The following UBR1 variants were observed in gnomAD, a reference collection of about 807,000 sequenced individuals.
UBR1 encodes the protein E3 ubiquitin-protein ligase UBR1.
A neutral mutation model predicts 242.1 loss-of-function variants in UBR1; 102 were observed. The ratio of observed to expected loss-of-function variants is 0.42; its 90% CI spans 0.36 to 0.50. UBR1 has a LOEUF of 0.50. Among genes scored for constraint, UBR1 ranks in the 20% least tolerant of loss-of-function variants. UBR1 has a pLI of 0.01. For synonymous variants in UBR1, 675 were observed against 684.8 expected, an observed-to-expected ratio of 0.99 and a Z score of 0.22; for missense variants, 1,772 against 2,101.8, an observed-to-expected ratio of 0.84 and a Z score of 3.07.
At chr15:43,090,083 G>A (rs150872809) in intron 1 of UBR1, among the ~76,000 whole-genome samples, 11 of 152,308 alleles carry the variant, frequency 7.2e-5, no homozygotes, top group Non-Finnish European at 1.5e-4. Flanking sequence ...GAAACAGAAA[G>A]AGGGAGGTAA....
chr15:42,978,704 A>G (rs1031100788), intron 37 of UBR1, among the ~76,000 whole-genome samples: 2 of 151,678 alleles, frequency 1.3e-5, no homozygotes, highest in African/African-American at 4.8e-5. Flanking sequence ...CTCTTTTCAG[A>G]CTAGGTAAAT....
chr15:42,946,421 C>A (rs115996556), intron 46 of UBR1, among the ~76,000 whole-genome samples: 1 of 152,158 alleles, frequency 6.6e-6, no homozygotes, highest in Non-Finnish European at 1.5e-5. Flanking sequence ...CCACCGCGGC[C>A]GCCTGGTTGG....
At chr15:43,017,619 G>C (rs533080286) in intron 27 of UBR1, among the ~76,000 whole-genome samples, 1 of 152,172 alleles carries the variant, frequency 6.6e-6, no homozygotes, top group East Asian at 1.9e-4. Context: ...AGATCAGCCT[G>C]GCCAACATAG....
At chr15:43,082,585 T>C (rs2033985574) in intron 3 of UBR1, 53 bp downstream of exon 3, 5 of 1,422,316 alleles carry the variant, frequency 3.5e-6, no homozygotes, top group Non-Finnish European at 5.0e-6. Context: ...GAATTTGGAC[T>C]AGATGGCCAT....
chr15:42,966,004 C>T (rs2032099649), intron 41 of UBR1, 149 bp downstream of exon 41: 1 of 1,195,670 alleles, frequency 8.4e-7, no homozygotes, highest in African/African-American at 1.5e-5. Context: ...TTAACCTACA[C>T]CAGGGCTCAT....
chr15:42,945,133 C>G lies in UBR1; in HGVS notation c.*196G>C. On this transcript the variant is annotated 3_prime_UTR_variant, in exon 47 of 47. Transcript: ENST00000290650. ...GCACATAAAACAGATTGATCTATGT[C>G]CTTTTTTCCTGTGAAGCATATGTTT... 1.5e-6 allele frequency: 1 copy of G among 666,416 alleles called. No individual in the cohort carries two copies. Among genetic ancestry groups the G allele is most frequent in the Non-Finnish European group, 2.5e-6 (1 of 392,284 alleles). 41.3% of individuals were successfully genotyped at this position (666,416 alleles called of 1,614,324 possible).
At chr15:42,945,711 C>T (rs1338635064) in intron 46 of UBR1, among the ~76,000 whole-genome samples, 2 of 152,110 alleles carry the variant, frequency 1.3e-5, no homozygotes, top group African/African-American at 4.8e-5. Flanking sequence ...TATATTATGG[C>T]ATTATGGGAC....
intron 30 of UBR1, among the ~76,000 whole-genome samples, chr15:43,004,982 G>C (rs1379245601): frequency 2.0e-5 from 3 of 149,224 alleles, no homozygotes; most frequent in Admixed American, 2.0e-4. Context: ...GAGCACCTCT[G>C]CCACGCCGCC....
chr15:42,967,145 T>C (rs1035952782), intron 40 of UBR1, among the ~76,000 whole-genome samples: 1 of 151,126 alleles, frequency 6.6e-6, no homozygotes, highest in Non-Finnish European at 1.5e-5. Flanking sequence ...TTCGAACTCC[T>C]GACCTCGGGT....
At chr15:43,026,807 A>G (rs1384488520) in intron 22 of UBR1, 144 bp from the exon 23 acceptor site, 5 of 673,978 alleles carry the variant, frequency 7.4e-6, no homozygotes, top group Non-Finnish European at 1.3e-5. Context: ...TTCCATTGCA[A>G]TAATAAAACT....
At chr15:43,061,579 ACAC>A (rs1467624108) in intron 6 of UBR1, among the ~76,000 whole-genome samples, 1 of 152,052 alleles carries the variant, frequency 6.6e-6, no homozygotes, top group African/African-American at 2.4e-5. Context: ...ATATACACAC[ACAC>A]ATATATGTAT....
rs941872811 is a variant in UBR1 at position 42,958,919 on chromosome 15, G to A, written c.4758-829C>T. Among the ~76,000 whole-genome samples the A allele has an allele frequency of 3.3e-5, 5 of 152,198 alleles. 1 individual carries two copies. The highest frequency in any genetic ancestry group is 2.1e-4 in the South Asian group (1 of 4,812). On this transcript the variant is annotated intron_variant, in intron 43 of 46. Coordinates refer to ENST00000290650, the MANE Select transcript of UBR1 (RefSeq NM_174916.3). ...GATCTCGGCTCACTGCAACGTCCGC[G>A]TCCTGGGTTCAAGCGATTCTCATGC...
chr15:42,967,541 T>C (rs1311493390), intron 40 of UBR1, among the ~76,000 whole-genome samples: 2 of 152,072 alleles, frequency 1.3e-5, no homozygotes, highest in South Asian at 2.1e-4. Flanking sequence ...TATATTAAGA[T>C]TGACTAATGA....
At chr15:43,082,790 A>G (rs1237357500) in intron 2 of UBR1, 74 bp from the exon 3 acceptor site, 3 of 1,112,774 alleles carry the variant, frequency 2.7e-6, no homozygotes, top group South Asian at 1.3e-5. Flanking sequence ...CTATAATACA[A>G]TGTGAACAAG....
At chr15:43,085,937 A>G in intron 2 of UBR1, 47 bp downstream of exon 2, 1 of 1,538,924 alleles carries the variant, frequency 6.5e-7, no homozygotes, top group Non-Finnish European at 8.8e-7. Context: ...AAAAAAAAAA[A>G]AGGATTTTAA....
intron 46 of UBR1, among the ~76,000 whole-genome samples, chr15:42,946,972 A>G (rs891500259): frequency 1.3e-5 from 2 of 151,562 alleles, no homozygotes; most frequent in Admixed American, 6.6e-5. Flanking sequence ...ACACAGTAAA[A>G]CCCCGTCACT....
intron 29 of UBR1, among the ~76,000 whole-genome samples, chr15:43,009,390 G>A (rs989482614): frequency 6.6e-6 from 1 of 152,240 alleles, no homozygotes; most frequent in Non-Finnish European, 1.5e-5. Flanking sequence ...GCCTGGCTGT[G>A]TGCAGTGGCC....
intron 39 of UBR1, among the ~76,000 whole-genome samples, chr15:42,971,418 A>C (rs141864441): frequency 3.9e-5 from 6 of 152,356 alleles, no homozygotes; most frequent in Non-Finnish European, 5.9e-5. Flanking sequence ...GATAAGCTAC[A>C]TAAGTTCTCT....
chr15:42,970,416 A>G, intron 40 of UBR1, 104 bp downstream of exon 40: 3 of 1,239,650 alleles, frequency 2.4e-6, no homozygotes, highest in Non-Finnish European at 3.5e-6. Flanking sequence ...GCAATAACTG[A>G]TTATTTTTAA....
Sources: allele counts gnomAD v4.1 joint callset (sites outside exome capture counted in the v4.1 genomes callset), GRCh38; gene constraint gnomAD v4.1.1; transcripts MANE v1.5; gene names NCBI Gene and HGNC (gene_info 2026-07-23, HGNC 2026-07-21).